Variants in COL4A3 observed in about 807,000 individuals in gnomAD.
COL4A3 encodes collagen type IV alpha 3 chain, also known as collagen alpha-3(IV) chain.
In COL4A3, 135 loss-of-function variants were observed where a neutral mutation model predicts 217.4. That is an observed-to-expected ratio of 0.62 (90% CI 0.54 to 0.72). The LOEUF is 0.72. Ranked by LOEUF, COL4A3 falls within the 30% of genes least tolerant of loss-of-function variation. The pLI, the probability that COL4A3 is intolerant of heterozygous loss-of-function variation, is 0.00. For synonymous variants in COL4A3, 690 were observed against 736.3 expected (o/e 0.94, Z 1.02); for missense variants, 1,868 against 2,119.9 (o/e 0.88, Z 2.33).
intron 44 of COL4A3, 96 bp downstream of exon 44, chr2:227,303,206 G>A (rs1574833176): frequency 9.5e-7 from 1 of 1,051,866 alleles, no homozygotes. Context: ...AGACAGCTGG[G>A]GTTAGTACAA....
intron 1 of COL4A3, among the ~76,000 whole-genome samples, chr2:227,200,810 C>G (rs1478687995): frequency 1.3e-5 from 2 of 152,236 alleles, no homozygotes; most frequent in East Asian, 3.9e-4. Flanking sequence ...TTTACATGTT[C>G]AATTGCATGT....
At chr2:227,256,191 GC>G in intron 16 of COL4A3, 121 bp downstream of exon 16, 1 of 1,190,678 alleles carries the variant, frequency 8.4e-7, no homozygotes. Context: ...TTTAAAAACT[GC>G]ATTTGGGAAT....
Position 227,269,952 on chromosome 2 carries a change from C to A in COL4A3, c.1547C>A (p.Pro516Gln). The A allele has an allele frequency of 6.2e-7, 1 of 1,613,862 alleles. No individual in the cohort carries two copies. The highest frequency in any genetic ancestry group is 8.5e-7 in the Non-Finnish European group (1 of 1,179,842). The change falls in exon 24 of 52, where the codon CCA becomes CAA. Residue 516 changes from proline (P) to glutamine (Q), a missense_variant. By Grantham distance (76) the Pro-to-Gln change is moderately conservative (BLOSUM62 -1). Transcript: ENST00000396578. ...GGCTTGAAAGGAAGCCCAGGGTCCC[C>A]AGGAAATACAGGTCTTCCAGGATTT... ...AAGLKGSPGS[P>Q]GNTGLPGFPG...
At chr2:227,223,867 T>C (rs2067947772) in intron 1 of COL4A3, among the ~76,000 whole-genome samples, 1 of 152,238 alleles carries the variant, frequency 6.6e-6, no homozygotes, top group African/African-American at 2.4e-5. Flanking sequence ...ATAGTGTCTA[T>C]TGTCCTCCAC....
intron 31 of COL4A3, 60 bp downstream of exon 31, chr2:227,281,066 TG>T (rs1410804949): frequency 4.0e-6 from 4 of 1,008,510 alleles, no homozygotes; most frequent in Non-Finnish European, 6.1e-6. Context: ...ACTCCTGCTC[TG>T]TGCTTTGCTG....
intron 46 of COL4A3, chr2:227,304,381 AT>A: frequency 1.9e-6 from 1 of 524,850 alleles, no homozygotes; most frequent in Non-Finnish European, 3.4e-6. Flanking sequence ...TTAGGGCAGC[AT>A]GTTTTTTTTA....
intron 1 of COL4A3, among the ~76,000 whole-genome samples, chr2:227,213,656 C>G (rs1327862601): frequency 6.6e-6 from 1 of 152,084 alleles, no homozygotes; most frequent in Non-Finnish European, 1.5e-5. Flanking sequence ...GTAGTCCCAG[C>G]ACTTTGGGAG....
chr2:227,175,369 G>T (rs1475982922), intron 1 of COL4A3, among the ~76,000 whole-genome samples: 1 of 152,110 alleles, frequency 6.6e-6, no homozygotes, highest in Non-Finnish European at 1.5e-5. Context: ...TACTCAGAAG[G>T]CCAGGGCAGG....
At chr2:227,270,572 A>T (rs1249621735) in intron 24 of COL4A3, among the ~76,000 whole-genome samples, 198 bp from the exon 25 acceptor site, 1 of 152,216 alleles carries the variant, frequency 6.6e-6, no homozygotes, top group Non-Finnish European at 1.5e-5. Flanking sequence ...TATACTATCT[A>T]ACTGAATTAT....
At chr2:227,184,840 A>AATC (rs2065968452) in intron 1 of COL4A3, among the ~76,000 whole-genome samples, 1 of 148,990 alleles carries the variant, frequency 6.7e-6, no homozygotes, top group Non-Finnish European at 1.5e-5. Flanking sequence ...AATTCTCTCT[A>AATC]AACTTGTGTA....
chr2:227,293,374 C>T, intron 38 of COL4A3, 57 bp downstream of exon 38: 1 of 1,577,112 alleles, frequency 6.3e-7, no homozygotes. Flanking sequence ...GTATAGCCCT[C>T]CTGAAATCAT....
At chr2:227,202,408 T>C (rs1217126233) in intron 1 of COL4A3, among the ~76,000 whole-genome samples, 4 of 152,190 alleles carry the variant, frequency 2.6e-5, no homozygotes, top group Non-Finnish European at 5.9e-5. Context: ...GTTTACTAAC[T>C]GGAGTGAACT....
intron 1 of COL4A3, among the ~76,000 whole-genome samples, chr2:227,206,979 G>T (rs1244886140): frequency 6.6e-6 from 1 of 152,136 alleles, no homozygotes; most frequent in Non-Finnish European, 1.5e-5. Context: ...TACTTGCACT[G>T]TGTCACCACT....
chr2:227,183,782 C>G (rs1393173817), intron 1 of COL4A3, among the ~76,000 whole-genome samples: 1 of 152,176 alleles, frequency 6.6e-6, no homozygotes, highest in Non-Finnish European at 1.5e-5. Flanking sequence ...GCTTGTCAGT[C>G]CCTTAGTCAA....
At chr2:227,311,079 G>A in intron 51 of COL4A3, 131 bp downstream of exon 51, 1 of 859,160 alleles carries the variant, frequency 1.2e-6, no homozygotes, top group East Asian at 2.6e-5. Flanking sequence ...TATGGGTTTT[G>A]TCATCACTAA....
chr2:227,234,923 T>C (rs1486670939), intron 1 of COL4A3, among the ~76,000 whole-genome samples: 1 of 152,218 alleles, frequency 6.6e-6, no homozygotes, highest in Non-Finnish European at 1.5e-5. Flanking sequence ...AGGTGTTGTG[T>C]GGCATCTGGG....
chr2:227,236,615 A>C (rs2068714266), intron 1 of COL4A3, among the ~76,000 whole-genome samples: 1 of 152,248 alleles, frequency 6.6e-6, no homozygotes, highest in Non-Finnish European at 1.5e-5. Flanking sequence ...TAATAAAGCA[A>C]AGGATTAATA....
At position 227,264,581 on chromosome 2, in the gene COL4A3, T is replaced by C. The variant is rs1166542712; in HGVS notation, c.1315+637T>C. 3.9e-5 allele frequency: 6 copies of C among 155,474 alleles called. No individual in the cohort carries two copies. The South Asian group carries it at 9.8e-4, about 25-fold the overall frequency. 9.6% of individuals were successfully genotyped at this position (155,474 alleles called of 1,614,324 possible). ...ACAGGGAGCCTTTCCTTCGCATCCCTCTAGAGAGCCACTTAGCATTCTGTG... is the reference window on the plus strand; with the variant it reads ...ACAGGGAGCCTTTCCTTCGCATCCCCCTAGAGAGCCACTTAGCATTCTGTG... On this transcript the variant is annotated intron_variant, in intron 21 of 51. Transcript: ENST00000396578.
chr2:227,216,674 G>C (rs567505191), intron 1 of COL4A3, among the ~76,000 whole-genome samples: 2 of 152,190 alleles, frequency 1.3e-5, no homozygotes, highest in African/African-American at 4.8e-5. Context: ...TGATATAAAT[G>C]CAAATAAATA....
Sources: gnomAD v4.1 joint callset for allele counts (sites outside exome capture counted in the v4.1 genomes callset) on GRCh38, gnomAD v4.1.1 for gene constraint, MANE v1.5 for transcripts, NCBI Gene and HGNC (gene_info 2026-07-23, HGNC 2026-07-21) for gene names.